The following SLC39A8 variants were observed in gnomAD, a reference collection of about 807,000 sequenced individuals.
SLC39A8 encodes the protein solute carrier family 39 member 8, also known as metal cation symporter ZIP8.
A neutral mutation model predicts 40.4 loss-of-function variants in SLC39A8; 15 were observed. The observed-to-expected ratio is 0.37, with a 90% CI of 0.25 to 0.57. The LOEUF (loss-of-function observed/expected upper bound fraction) is 0.57. Among genes scored for constraint, SLC39A8 ranks in the 20% least tolerant of loss-of-function variants. The pLI is 0.75. For missense variants in SLC39A8, 472 were observed against 558.8 expected, an observed-to-expected ratio of 0.84 and a Z score of 1.57; for synonymous variants, 223 against 221.6, an observed-to-expected ratio of 1.01 and a Z score of -0.06.
At chr4:102,298,903 C>T (rs1733788055) in intron 6 of SLC39A8, among the ~76,000 whole-genome samples, 1 of 152,008 alleles carries the variant, frequency 6.6e-6, no homozygotes, top group Non-Finnish European at 1.5e-5. Context: ...CGGAACTAAA[C>T]ATAAGAGAAG....
chr4:102,334,901 A>T (rs150754569), intron 2 of SLC39A8, among the ~76,000 whole-genome samples: 1 of 152,306 alleles, frequency 6.6e-6, no homozygotes, highest in East Asian at 1.9e-4. Context: ...TGGGATCAGG[A>T]GGTTTAACAG....
downstream of SLC39A8, among the ~76,000 whole-genome samples, chr4:102,258,104 G>GTTTTTTTTTTTTTTT (rs752860248): frequency 6.8e-6 from 1 of 146,134 alleles, no homozygotes; most frequent in Non-Finnish European, 1.5e-5. Context: ...AGTGTTTTTT[G>GTTTTTTTTTTTTTTT]TTTTTTGTTT....
At chr4:102,293,351 A>G (rs1032523775) in intron 6 of SLC39A8, among the ~76,000 whole-genome samples, 1 of 152,054 alleles carries the variant, frequency 6.6e-6, no homozygotes, top group African/African-American at 2.4e-5. Flanking sequence ...ATTACCAACT[A>G]TCACCACTTC....
intron 2 of SLC39A8, among the ~76,000 whole-genome samples, chr4:102,336,971 T>A (rs982231366): frequency 6.6e-6 from 1 of 152,192 alleles, no homozygotes; most frequent in African/African-American, 2.4e-5. Context: ...ATTCTTTTTT[T>A]AAAATAAATT....
chr4:102,293,391 A>C (rs1733536909), intron 6 of SLC39A8, among the ~76,000 whole-genome samples: 1 of 152,004 alleles, frequency 6.6e-6, no homozygotes, highest in Admixed American at 6.6e-5. Context: ...AGCCCTTGCC[A>C]ATAAAACAAG....
downstream of SLC39A8, chr4:102,259,397 T>TAAA (rs1731785740): frequency 2.7e-5 from 32 of 1,191,642 alleles, no homozygotes; most frequent in South Asian, 2.6e-4. Context: ...ATTAAGCCAT[T>TAAA]GTATAAACTT....
At chr4:102,266,443 G>C (rs190499714) in intron 8 of SLC39A8, among the ~76,000 whole-genome samples, 124 of 152,194 alleles carry the variant, frequency 8.1e-4, no homozygotes, top group African/African-American at 3.0e-3. Context: ...AGGTAAGAAT[G>C]CAAATAAAAA....
chr4:102,276,637 A>T (rs369881362), intron 6 of SLC39A8, among the ~76,000 whole-genome samples: 1 of 152,232 alleles, frequency 6.6e-6, no homozygotes, highest in Non-Finnish European at 1.5e-5. Context: ...AGCTCATTTT[A>T]TGAGGCCAGC....
At chr4:102,301,381 T>C (rs1226388185) in intron 6 of SLC39A8, among the ~76,000 whole-genome samples, 1 of 152,068 alleles carries the variant, frequency 6.6e-6, no homozygotes, top group Non-Finnish European at 1.5e-5. Context: ...AATTCCCTAC[T>C]GACACCTTGA....
intron 6 of SLC39A8, among the ~76,000 whole-genome samples, chr4:102,270,460 T>C (rs1159938317): frequency 1.3e-5 from 2 of 152,232 alleles, no homozygotes; most frequent in African/African-American, 4.8e-5. Flanking sequence ...ATTAAATCAC[T>C]GAGCAGAGAG....
chr4:102,339,991 A>G (rs925235013), intron 2 of SLC39A8, among the ~76,000 whole-genome samples: 1 of 152,224 alleles, frequency 6.6e-6, no homozygotes, highest in Non-Finnish European at 1.5e-5. Context: ...AAAAATTCAA[A>G]AAATTGCAAC....
intron 6 of SLC39A8, among the ~76,000 whole-genome samples, chr4:102,292,016 T>A (rs1227600543): frequency 6.6e-6 from 1 of 151,808 alleles, no homozygotes; most frequent in African/African-American, 2.4e-5. Context: ...AAAAACAAAG[T>A]AGAATGTTTG....
At chr4:102,271,210 AAGG>A (rs1035374068) in intron 6 of SLC39A8, among the ~76,000 whole-genome samples, 4 of 152,126 alleles carry the variant, frequency 2.6e-5, no homozygotes, top group Non-Finnish European at 5.9e-5. Context: ...AGAGGACTAA[AAGG>A]AGGAGAAAGA....
intron 6 of SLC39A8, among the ~76,000 whole-genome samples, chr4:102,270,301 T>A (rs375752303): frequency 6.2e-4 from 94 of 152,314 alleles, no homozygotes; most frequent in African/African-American, 2.2e-3. Context: ...TACCTCTAAG[T>A]ACAGATATTA....
chr4:102,300,608 T>C lies in SLC39A8; in HGVS notation c.840+3709A>G, dbSNP rs138637322. ...AATTAGACCACCTTTCTTAACTCAC[T>C]GTAATTTTTAGAGAGTTCCTTATTA... On this transcript the variant is annotated intron_variant, in intron 6 of 8. Transcript: ENST00000356736. 3.1e-3 allele frequency among the ~76,000 whole-genome samples: 478 copies of C among 152,144 alleles called. 5 individuals carry two copies. Among genetic ancestry groups the C allele is most frequent in the African/African-American group, 1.0e-2 (415 of 41,552 alleles).
intron 2 of SLC39A8, among the ~76,000 whole-genome samples, chr4:102,323,608 T>C (rs1166451225): frequency 2.0e-5 from 3 of 152,222 alleles, no homozygotes; most frequent in East Asian, 1.9e-4. Flanking sequence ...ACTACAGTAA[T>C]AGCAAACCAT....
At chr4:102,310,445 C>T (rs752790377) in intron 3 of SLC39A8, among the ~76,000 whole-genome samples, 11 of 152,126 alleles carry the variant, frequency 7.2e-5, no homozygotes, top group Admixed American at 3.3e-4. Flanking sequence ...AAATTGTCCA[C>T]GAAAAAGCAC....
intron 2 of SLC39A8, among the ~76,000 whole-genome samples, chr4:102,338,529 A>G (rs775687856): frequency 1.6e-4 from 25 of 152,238 alleles, no homozygotes; most frequent in Middle Eastern, 3.4e-3. Flanking sequence ...GACAAAGACA[A>G]GTCATCATCA....
intron 8 of SLC39A8, among the ~76,000 whole-genome samples, chr4:102,266,211 T>C (rs1267749585): frequency 6.6e-6 from 1 of 152,236 alleles, no homozygotes; most frequent in Non-Finnish European, 1.5e-5. Flanking sequence ...CCTATTTTGC[T>C]CACTCCAGGA....
Sources: allele counts gnomAD v4.1 joint callset (sites outside exome capture counted in the v4.1 genomes callset), GRCh38; gene constraint gnomAD v4.1.1; transcripts MANE v1.5; gene names NCBI Gene and HGNC (gene_info 2026-07-23, HGNC 2026-07-21).